Variants in TCF12 observed in about 807,000 individuals in gnomAD.
The protein encoded by TCF12 is DNA-binding protein HTF4.
TCF12 carries 45 observed loss-of-function variants against 86.0 expected under a neutral mutation model. The ratio of observed to expected loss-of-function variants is 0.52; its 90% CI spans 0.41 to 0.67. TCF12 has a LOEUF of 0.67. Among genes scored for constraint, TCF12 ranks in the 30% least tolerant of loss-of-function variants. The pLI is 0.00. For synonymous variants in TCF12, 330 were observed against 299.6 expected (o/e 1.10, Z -1.05); for missense variants, 881 against 859.9 (o/e 1.02, Z -0.31).
At chr15:57,136,957 AGTTTTTTTTTTT>A (rs1428411953) in intron 5 of TCF12, among the ~76,000 whole-genome samples, 2,486 of 102,890 alleles carry the variant, frequency 0.024, 385 homozygotes, top group South Asian at 0.052. Context: ...TGCTTCTGGC[AGTTTTTTTTTTT>A]GTTTTTTTTT....
chr15:57,035,492 C>T (rs2066453175), intron 3 of TCF12, among the ~76,000 whole-genome samples: 1 of 152,076 alleles, frequency 6.6e-6, no homozygotes, highest in African/African-American at 2.4e-5. Context: ...ATTGCCAACT[C>T]CAGGCCTCAA....
rs2059197641 is a variant in TCF12, at chr15:57,232,760, C to A, written c.874C>A (p.Pro292Thr). ...VSPTDINTSL[P>T]PMSSFHRGST... ...ACCAACAGACATAAACACGAGTCTT[C>A]CACCAATGTCCAGCTTTCATCGCGG... Residue 292 changes from proline to threonine, a missense_variant, in exon 11 of 21, where the codon CCA becomes ACA. Around this residue, in one of 3 missense-constraint regions of TCF12, gnomAD observed 766 missense variants for 718.9 expected, o/e 1.07. Coordinates refer to ENST00000333725, the MANE Select transcript of TCF12 (RefSeq NM_207037.2). The A allele has an allele frequency of 6.2e-7, 1 of 1,612,188 alleles. No homozygotes were observed. The highest frequency in any genetic ancestry group is 1.7e-5 in the Admixed American group (1 of 59,754).
chr15:57,098,927 G>C (rs1029705365), intron 5 of TCF12, among the ~76,000 whole-genome samples: 2 of 152,170 alleles, frequency 1.3e-5, no homozygotes, highest in Admixed American at 6.5e-5. Context: ...ATTGGGCCAA[G>C]GAGAGTGGAT....
intron 16 of TCF12, among the ~76,000 whole-genome samples, chr15:57,259,815 C>T (rs1442257125): frequency 2.6e-5 from 4 of 152,196 alleles, no homozygotes; most frequent in Non-Finnish European, 5.9e-5. Flanking sequence ...GTTTATACAC[C>T]TGTTGTATGT....
intron 20 of TCF12, 85 bp downstream of exon 20, chr15:57,282,683 C>G (rs1330209548): frequency 7.4e-6 from 11 of 1,484,676 alleles, no homozygotes; most frequent in South Asian, 2.6e-5. Flanking sequence ...ACAGAATTCT[C>G]TAGTGAGCAG....
intron 3 of TCF12, among the ~76,000 whole-genome samples, chr15:56,989,599 G>A (rs1258311382): frequency 5.9e-5 from 9 of 152,116 alleles, no homozygotes. Context: ...TGCCTCAAAG[G>A]CACTGAGACA....
intron 8 of TCF12, among the ~76,000 whole-genome samples, chr15:57,200,014 TG>T (rs1451414033): frequency 1.3e-5 from 2 of 150,318 alleles, no homozygotes; most frequent in East Asian, 3.9e-4. Flanking sequence ...CCCAAGTAGC[TG>T]GGACTACAGG....
chr15:57,232,588 C>T (rs898938499), intron 10 of TCF12, 124 bp from the exon 11 acceptor site: 5 of 1,438,058 alleles, frequency 3.5e-6, no homozygotes, highest in Non-Finnish European at 4.7e-6. Context: ...AAATAAATGA[C>T]AATAAGTAGT....
chr15:56,982,784 G>T (rs760603794), intron 3 of TCF12, among the ~76,000 whole-genome samples: 2 of 152,142 alleles, frequency 1.3e-5, no homozygotes, highest in African/African-American at 2.4e-5. Flanking sequence ...AGAAACAGTT[G>T]CTCATCTAAT....
chr15:57,149,823 T>C (rs763816122), intron 5 of TCF12, among the ~76,000 whole-genome samples: 1 of 152,204 alleles, frequency 6.6e-6, no homozygotes, highest in Non-Finnish European at 1.5e-5. Context: ...AGTTTTGTTA[T>C]GTTCTATCTT....
intron 6 of TCF12, among the ~76,000 whole-genome samples, chr15:57,187,845 G>A (rs113605634): frequency 3.3e-5 from 5 of 151,990 alleles, no homozygotes; most frequent in Non-Finnish European, 7.4e-5. Flanking sequence ...CAGGAGAATC[G>A]CTTGAACCTG....
chr15:56,944,396 A>G lies in TCF12; in HGVS notation c.148+23298A>G, dbSNP rs1161572069. On this transcript the variant is annotated intron_variant, in intron 3 of 20. Transcript: ENST00000333725. Reference sequence around the variant, plus strand: ...GCCGAGAGCAAGATAATACTTATCTAAATAAATAATTGTGGGTTAGATATG... The same window carrying G: ...GCCGAGAGCAAGATAATACTTATCTGAATAAATAATTGTGGGTTAGATATG... Among the ~76,000 whole-genome samples, 5 of 152,204 alleles carry G rather than the reference A, an allele frequency of 3.3e-5. No homozygotes were observed. In the South Asian group the frequency reaches 8.3e-4, roughly 25 times the overall value.
intron 5 of TCF12, among the ~76,000 whole-genome samples, chr15:57,117,004 C>A (rs908571766): frequency 3.3e-5 from 5 of 151,706 alleles, no homozygotes; most frequent in Admixed American, 1.3e-4. Context: ...CTAACCATGT[C>A]ATGTAGGTTT....
chr15:57,264,038 T>C (rs556782924), intron 18 of TCF12, among the ~76,000 whole-genome samples: 1 of 152,076 alleles, frequency 6.6e-6, no homozygotes, highest in Admixed American at 6.5e-5. Flanking sequence ...TTAAAAAATA[T>C]TTTTCTTCAA....
At chr15:57,074,261 A>ATT (rs2069679042) in intron 4 of TCF12, among the ~76,000 whole-genome samples, 1 of 152,020 alleles carries the variant, frequency 6.6e-6, no homozygotes, top group Non-Finnish European at 1.5e-5. Context: ...GTGTGCAAGA[A>ATT]TTAATAGAGG....
chr15:57,111,414 G>T (rs184814867), intron 5 of TCF12, among the ~76,000 whole-genome samples: 1 of 152,152 alleles, frequency 6.6e-6, no homozygotes, highest in African/African-American at 2.4e-5. Context: ...GGTCCTTGGT[G>T]TGTTCTTGTT....
chr15:57,057,348 T>C (rs2068107746), intron 3 of TCF12, among the ~76,000 whole-genome samples: 1 of 152,182 alleles, frequency 6.6e-6, no homozygotes, highest in South Asian at 2.1e-4. Flanking sequence ...GGGGTTTCTG[T>C]TGGAATTTTA....
At chr15:56,963,654 G>GT (rs1385392982) in intron 3 of TCF12, among the ~76,000 whole-genome samples, 2 of 152,290 alleles carry the variant, frequency 1.3e-5, no homozygotes, top group East Asian at 1.9e-4. Flanking sequence ...CATCTGCTTT[G>GT]TAATATGAAA....
At position 56,993,042 on chromosome 15, in the gene TCF12, T is replaced by C. The variant is rs138194305; in HGVS notation, c.149-70708T>C. On this transcript the variant is annotated intron_variant, in intron 3 of 20. Transcript: ENST00000333725. ...AGAATAAATAATACCAGGTGGGATA[T>C]GAATGAAGACTAGCATTCAGAATAC... Among the ~76,000 whole-genome samples the C allele has an allele frequency of 1.4e-3, 220 of 152,230 alleles. 1 individual carries two copies. The highest frequency in any genetic ancestry group is 4.9e-3 in the African/African-American group (205 of 41,556).
Sources: gnomAD v4.1 joint callset for allele counts (sites outside exome capture counted in the v4.1 genomes callset) on GRCh38, gnomAD v4.1.1 for gene constraint, gnomAD v4.1.1 regional missense constraint, MANE v1.5 for transcripts, NCBI Gene and HGNC (gene_info 2026-07-23, HGNC 2026-07-21) for gene names.